Variants in MRTFA observed in about 807,000 individuals in gnomAD.
MRTFA encodes the protein myocardin related transcription factor A.
Under a neutral mutation model 83.5 loss-of-function variants are expected in MRTFA, and 20 were observed. The observed-to-expected ratio is 0.24, with a 90% confidence interval of 0.17 to 0.35. The LOEUF is 0.35. MRTFA is among the 10% of genes least tolerant of loss of function. The probability of loss-of-function intolerance (pLI) is 1.00; values close to 1 mark genes in which losing one functional copy is unlikely to be tolerated. For missense variants in MRTFA, 1,200 were observed against 1,224.7 expected, an observed-to-expected ratio of 0.98 and a Z score of 0.30; for synonymous variants, 659 against 541.2, an observed-to-expected ratio of 1.22 and a Z score of -3.02.
intron 3 of MRTFA, among the ~76,000 whole-genome samples, chr22:40,469,874 C>G (rs2053869612): frequency 6.6e-6 from 1 of 152,110 alleles, no homozygotes; most frequent in Non-Finnish European, 1.5e-5. Context: ...GGCCAGGAGT[C>G]AGAGACCAAC....
intron 1 of MRTFA, among the ~76,000 whole-genome samples, chr22:40,611,705 T>G (rs564091337): frequency 4.8e-4 from 73 of 152,282 alleles, no homozygotes; most frequent in African/African-American, 1.8e-3. Flanking sequence ...ACCAGTAATT[T>G]TTAAAGTTCT....
In MRTFA at chr22:40,420,436, C is replaced by T. The variant is rs1272345237; in HGVS notation, c.1322G>A (p.Gly441Glu). ...GTCGTCCAGGTTGGCCGGCAGGGCTCCCGGCTTGCCAGTCAGTGAGGTGCT... is the reference window on the plus strand; with the variant it reads ...GTCGTCCAGGTTGGCCGGCAGGGCTTCCGGCTTGCCAGTCAGTGAGGTGCT... Residue 441 changes from glycine (G) to glutamate (E), a missense_variant, in exon 11 of 15, where the codon GGA becomes GAA. Gly to Glu is a moderately conservative substitution (Grantham distance 98). Around this residue, in one of 2 missense-constraint regions of MRTFA, gnomAD observed 1,107 missense variants for 1,041.8 expected, o/e 1.06. Transcript: ENST00000355630. 3.1e-6 allele frequency: 5 copies of T among 1,613,520 alleles called. No individual in the cohort carries two copies. Among genetic ancestry groups the T allele is most frequent in the Non-Finnish European group, 4.2e-6 (5 of 1,180,006 alleles).
chr22:40,585,520 A>C (rs2056015512), intron 2 of MRTFA, among the ~76,000 whole-genome samples: 1 of 152,228 alleles, frequency 6.6e-6, no homozygotes, highest in Non-Finnish European at 1.5e-5. Flanking sequence ...TTATGAATGT[A>C]TATAATACCA....
chr22:40,425,902 TCA>T (rs2052944476), intron 7 of MRTFA, among the ~76,000 whole-genome samples: 1 of 152,010 alleles, frequency 6.6e-6, no homozygotes, highest in African/African-American at 2.4e-5. Context: ...CTCTCTCCAC[TCA>T]CAGTCACATC....
intron 3 of MRTFA, among the ~76,000 whole-genome samples, chr22:40,476,419 C>G (rs534106518): frequency 6.6e-6 from 1 of 152,244 alleles, no homozygotes; most frequent in African/African-American, 2.4e-5. Context: ...TGTTTCCTCT[C>G]CTGCTTCTTA....
chr22:40,626,702 C>T (rs1360468715), intron 1 of MRTFA, among the ~76,000 whole-genome samples: 1 of 152,086 alleles, frequency 6.6e-6, no homozygotes, highest in African/African-American at 2.4e-5. Flanking sequence ...TAACTAAATA[C>T]GAAACACAAA....
chr22:40,436,678 T>C (rs983709280), intron 4 of MRTFA, among the ~76,000 whole-genome samples: 5 of 152,032 alleles, frequency 3.3e-5, no homozygotes, highest in African/African-American at 9.7e-5. Flanking sequence ...CTTAAGACAC[T>C]CTGAGGATGA....
intron 3 of MRTFA, among the ~76,000 whole-genome samples, chr22:40,484,559 C>G (rs189322503): frequency 3.3e-5 from 5 of 152,254 alleles, no homozygotes; most frequent in Admixed American, 2.0e-4. Flanking sequence ...CTTTGTATTT[C>G]CTGAAGTCTG....
At chr22:40,493,270 G>A (rs2054298862) in intron 3 of MRTFA, among the ~76,000 whole-genome samples, 1 of 152,192 alleles carries the variant, frequency 6.6e-6, no homozygotes, top group Non-Finnish European at 1.5e-5. Flanking sequence ...GGAACCAGAT[G>A]TGCCACCATA....
intron 3 of MRTFA, among the ~76,000 whole-genome samples, chr22:40,501,864 CA>C (rs2054484146): frequency 3.0e-5 from 2 of 66,386 alleles, no homozygotes; most frequent in Admixed American, 1.2e-4. Context: ...GCTGACCCCC[CA>C]ACCTCCCTCC....
At position 40,519,724 on chromosome 22, in the gene MRTFA, G is replaced by A; in HGVS notation, c.241+32382C>T. 5.7e-6 allele frequency: 4 copies of A among 696,098 alleles called. No individual in the cohort carries two copies. The South Asian group carries it at 7.4e-5, about 13-fold the overall frequency. The allele number at this position is 696,098 out of a possible 1,614,324, so 43.1% of individuals were successfully genotyped here. On this transcript the variant is annotated intron_variant, in intron 3 of 14. Transcript: ENST00000355630. ...ATGGGTTCTGAAAAGCACAATAATGGAGTCAGGCTAGTACAAACGCCTAAG... is the reference window on the plus strand; with the variant it reads ...ATGGGTTCTGAAAAGCACAATAATGAAGTCAGGCTAGTACAAACGCCTAAG...
intron 3 of MRTFA, among the ~76,000 whole-genome samples, chr22:40,468,771 G>A (rs1602293573): frequency 6.6e-6 from 1 of 152,158 alleles, no homozygotes; most frequent in South Asian, 2.1e-4. Context: ...ATGCAGACAA[G>A]CCTTCTCAAA....
At chr22:40,470,231 T>TTATTTATATA (rs1555976859) in intron 3 of MRTFA, among the ~76,000 whole-genome samples, 2 of 45,678 alleles carry the variant, frequency 4.4e-5, no homozygotes, top group Non-Finnish European at 3.3e-5. Flanking sequence ...CTCCAAAATT[T>TTATTTATATA]TATATATATA....
chr22:40,484,935 G>A (rs565794480), intron 3 of MRTFA, among the ~76,000 whole-genome samples: 111 of 152,218 alleles, frequency 7.3e-4, no homozygotes, highest in African/African-American at 2.5e-3. Context: ...GCTGGGCATG[G>A]TGGCACGTGC....
intron 3 of MRTFA, among the ~76,000 whole-genome samples, chr22:40,488,466 T>C (rs759812739): frequency 5.3e-5 from 8 of 152,282 alleles, no homozygotes; most frequent in Admixed American, 3.9e-4. Flanking sequence ...GCTGACAGAA[T>C]TGAGCCCAGA....
chr22:40,623,862 C>G (rs2056551158), intron 1 of MRTFA, among the ~76,000 whole-genome samples: 1 of 152,158 alleles, frequency 6.6e-6, no homozygotes, highest in Admixed American at 6.5e-5. Flanking sequence ...CGTCTGTAAT[C>G]CCACCACTTT....
chr22:40,581,799 G>A (rs2055951108), intron 2 of MRTFA, among the ~76,000 whole-genome samples: 1 of 152,116 alleles, frequency 6.6e-6, no homozygotes, highest in Admixed American at 6.6e-5. Flanking sequence ...ATGATACGGA[G>A]TATCTTTAAT....
chr22:40,542,000 A>G (rs2055298917), intron 3 of MRTFA, among the ~76,000 whole-genome samples: 1 of 149,168 alleles, frequency 6.7e-6, no homozygotes, highest in Non-Finnish European at 1.5e-5. Context: ...CACTTTTTAA[A>G]GATTTTTATT....
intron 3 of MRTFA, among the ~76,000 whole-genome samples, chr22:40,487,979 A>T (rs1012464428): frequency 2.0e-5 from 3 of 152,206 alleles, no homozygotes; most frequent in Admixed American, 6.5e-5. Context: ...GAAGAAAGAA[A>T]AACTTAAACC....
Sources: allele counts gnomAD v4.1 joint callset (sites outside exome capture counted in the v4.1 genomes callset), GRCh38; gene constraint gnomAD v4.1.1; regional missense constraint gnomAD v4.1.1; transcripts MANE v1.5; gene names NCBI Gene and HGNC (gene_info 2026-07-23, HGNC 2026-07-21).